AKAP13: variants seen among roughly 807,000 people sequenced by gnomAD.
AKAP13 encodes the protein A-kinase anchor protein 13.
In AKAP13, 80 loss-of-function variants were observed where a neutral mutation model predicts 264.5. The ratio of observed to expected loss-of-function variants is 0.30; its 90% CI spans 0.25 to 0.36. The LOEUF is 0.36. Ranked by LOEUF, AKAP13 falls within the 10% of genes least tolerant of loss-of-function variation. The probability of loss-of-function intolerance (pLI) is 1.00; values close to 1 mark genes in which losing one functional copy is unlikely to be tolerated. For missense variants in AKAP13, 3,712 were observed against 3,435.2 expected, an observed-to-expected ratio of 1.08 and a Z score of -2.01; for synonymous variants, 1,380 against 1,250.2, an observed-to-expected ratio of 1.10 and a Z score of -2.19.
chr15:85,747,844 CAG>C lies in AKAP13; in HGVS notation c.*3168_*3169del, dbSNP rs1253232147. On this transcript the variant is annotated 3_prime_UTR_variant, in exon 37 of 37. Transcript: ENST00000394518. ...TTAACTTTTTTCCCCTTCTGTGTCTCAGGGTAATACTATTCAGAGTCGCCCCT... is the reference window on the plus strand; with the variant it reads ...TTAACTTTTTTCCCCTTCTGTGTCTCGGTAATACTATTCAGAGTCGCCCCT... The C allele has an allele frequency of 6.5e-6, 1 of 153,242 alleles. No individual in the cohort carries two copies. Among genetic ancestry groups the C allele is most frequent in the African/African-American group, 2.4e-5 (1 of 41,442 alleles). The allele number at this position is 153,242 out of a possible 1,614,324, so 9.5% of individuals were successfully genotyped here. A position where few individuals can be genotyped will look rare whatever the true frequency, so the allele number is the denominator to read the frequency against.
intron 2 of AKAP13, among the ~76,000 whole-genome samples, chr15:85,516,857 T>G (rs1297637763): frequency 6.6e-6 from 1 of 152,242 alleles, no homozygotes; most frequent in Non-Finnish European, 1.5e-5. Context: ...GACACCATTA[T>G]GTGGAATTTC....
chr15:85,662,337 T>C (rs370310746), intron 12 of AKAP13: 3 of 1,593,976 alleles, frequency 1.9e-6, no homozygotes, highest in African/African-American at 2.7e-5. Context: ...CCCATTCCTG[T>C]TTCCTCTTTT....
chr15:85,732,282 T>G (rs2088105537), intron 30 of AKAP13, among the ~76,000 whole-genome samples: 1 of 152,090 alleles, frequency 6.6e-6, no homozygotes, highest in South Asian at 2.1e-4. Flanking sequence ...AGTCCTGGTA[T>G]CAGCCATTTC....
At position 85,580,620 on chromosome 15, in the gene AKAP13, C is replaced by G; in HGVS notation, c.2552C>G (p.Ser851Cys). Reference protein sequence around the residue: ...EDRAVGLSTSSTAAELQHGMG... With the variant: ...EDRAVGLSTSCTAAELQHGMG... ...AGGGCAGTAGGCCTGTCCACATCCTCCACTGCTGCAGAGCTTCAGCACGGG... is the reference window on the plus strand; with the variant it reads ...AGGGCAGTAGGCCTGTCCACATCCTGCACTGCTGCAGAGCTTCAGCACGGG... Residue 851 changes from serine (S) to cysteine (C), a missense_variant, in exon 7 of 37, where the codon TCC becomes TGC. By Grantham distance (112) the Ser-to-Cys change is moderately radical. Coordinates refer to ENST00000394518, the MANE Select transcript of AKAP13 (RefSeq NM_007200.5). The G allele has an allele frequency of 6.2e-7, 1 of 1,614,200 alleles. No homozygotes were observed. The highest frequency in any genetic ancestry group is 8.5e-7 in the Non-Finnish European group (1 of 1,180,024).
At chr15:85,736,865 T>A (rs1158441971) in intron 33 of AKAP13, among the ~76,000 whole-genome samples, 1 of 151,606 alleles carries the variant, frequency 6.6e-6, no homozygotes, top group Non-Finnish European at 1.5e-5. Flanking sequence ...GTGGGTAATT[T>A]GACACAGTAA....
At chr15:85,397,497 T>C (rs1283786209) in intron 1 of AKAP13, among the ~76,000 whole-genome samples, 1 of 152,206 alleles carries the variant, frequency 6.6e-6, no homozygotes, top group Admixed American at 6.5e-5. Flanking sequence ...AGAAAAATTA[T>C]ATTTATTCTC....
Position 85,410,771 on chromosome 15 carries a change from A to G in AKAP13, c.-12+29973A>G, listed in dbSNP as rs537656548. On this transcript the variant is annotated intron_variant, in intron 1 of 36. Transcript: ENST00000394518. ...CCCTTTCCTCCTTGAATCCTTCTCT[A>G]GCTGGTCCAGCCCATAGAGATCATT... Among the ~76,000 whole-genome samples the G allele has an allele frequency of 1.2e-4, 18 of 151,600 alleles. No homozygotes were observed. In the South Asian group the frequency reaches 3.7e-3, roughly 31 times the overall value.
chr15:85,735,443 T>G (rs866656691), intron 31 of AKAP13, 117 bp from the exon 32 acceptor site: 7 of 1,070,974 alleles, frequency 6.5e-6, no homozygotes, highest in South Asian at 6.3e-5. Context: ...TCCCCCTTTT[T>G]GGGGGCATCA....
Position 85,579,082 on chromosome 15 carries a change from C to T in AKAP13, c.1014C>T (p.Ser338=). ...TTTCTTCTTCTGAAGAGACTGAGAG[C>T]ACTCAGTGCTGCCCAGGGAGCCCTG... The part of the protein sequence containing the change: ...QRLSSSEETE[S]TQCCPGSPVA... Residue 338 remains serine (S), a synonymous_variant, in exon 7 of 37, where the codon AGC becomes AGT. Coordinates refer to ENST00000394518, the MANE Select transcript of AKAP13 (RefSeq NM_007200.5). 6.2e-7 allele frequency: 1 copy of T among 1,614,184 alleles called. No homozygotes were observed. Among genetic ancestry groups the T allele is most frequent in the South Asian group, 1.1e-5 (1 of 91,086 alleles).
intron 1 of AKAP13, among the ~76,000 whole-genome samples, chr15:85,381,284 T>C (rs933711034): frequency 1.1e-4 from 16 of 151,736 alleles, no homozygotes; most frequent in African/African-American, 3.6e-4. Flanking sequence ...AGGGAGCGGC[T>C]CCCCGGGGTC....
At chr15:85,511,573 G>A (rs1248402396) in intron 2 of AKAP13, among the ~76,000 whole-genome samples, 1 of 151,952 alleles carries the variant, frequency 6.6e-6, no homozygotes, top group Non-Finnish European at 1.5e-5. Context: ...TCTTAATTCT[G>A]CTTGAGGCTT....
intron 1 of AKAP13, among the ~76,000 whole-genome samples, chr15:85,447,899 G>A (rs1567062230): frequency 6.6e-6 from 1 of 152,204 alleles, no homozygotes; most frequent in Non-Finnish European, 1.5e-5. Context: ...TAATGGGATT[G>A]CTGGGTTGAA....
chr15:85,413,401 G>A (rs1434216893), intron 1 of AKAP13, among the ~76,000 whole-genome samples: 2 of 152,174 alleles, frequency 1.3e-5, no homozygotes, highest in African/African-American at 4.8e-5. Context: ...AGTTGTCGTT[G>A]CTTATGCTAG....
In AKAP13 at chr15:85,607,491, T is replaced by A. The variant is rs552113921; in HGVS notation, c.4161+21668T>A. Among the ~76,000 whole-genome samples, 8 of 152,326 alleles carry A rather than the reference T, an allele frequency of 5.3e-5. 1 individual carries two copies. In the South Asian group the frequency reaches 1.7e-3, roughly 32 times the overall value. On this transcript the variant is annotated intron_variant, in intron 8 of 36. Coordinates refer to ENST00000394518, the MANE Select transcript of AKAP13 (RefSeq NM_007200.5). ...TTTTTTAACCATTTGCCTTTATTTTTATCCCCATTTTGTAGGTGAGAAACT... is the reference window on the plus strand; with the variant it reads ...TTTTTTAACCATTTGCCTTTATTTTAATCCCCATTTTGTAGGTGAGAAACT...
At chr15:85,440,675 G>A (rs569233733) in intron 1 of AKAP13, among the ~76,000 whole-genome samples, 2 of 152,252 alleles carry the variant, frequency 1.3e-5, no homozygotes, top group East Asian at 3.9e-4. Flanking sequence ...TTGTCAACAG[G>A]GCGTTGCATC....
At chr15:85,467,189 T>C (rs1164295394) in intron 1 of AKAP13, among the ~76,000 whole-genome samples, 4 of 152,202 alleles carry the variant, frequency 2.6e-5, no homozygotes, top group Admixed American at 1.3e-4. Context: ...GTGAACACTA[T>C]AGTATATTTT....
intron 5 of AKAP13, among the ~76,000 whole-genome samples, chr15:85,568,020 C>T (rs1331962138): frequency 4.0e-5 from 6 of 151,670 alleles, no homozygotes; most frequent in African/African-American, 9.7e-5. Flanking sequence ...CAGTGGCTCA[C>T]GCCTGTAATC....
chr15:85,746,597 C>G lies in AKAP13; in HGVS notation c.*1920C>G, dbSNP rs976445861. On this transcript the variant is annotated 3_prime_UTR_variant, in exon 37 of 37. Transcript: ENST00000394518. ...GAATACTCACCCTTCAGAAACAGAC[C>G]AAAGGCCAAAACCTGCTGATTTTTC... 1 of 152,156 alleles carries G rather than the reference C, an allele frequency of 6.6e-6. No homozygotes were observed. The highest frequency in any genetic ancestry group is 6.5e-5 in the Admixed American group (1 of 15,276). The allele number at this position is 152,156 out of a possible 1,614,324, so 9.4% of individuals were successfully genotyped here.
intron 3 of AKAP13, among the ~76,000 whole-genome samples, chr15:85,530,700 T>A (rs1396850691): frequency 6.6e-6 from 1 of 152,196 alleles, no homozygotes; most frequent in Non-Finnish European, 1.5e-5. Context: ...TGCTATATAT[T>A]GATTCTGTTG....
Sources: gnomAD v4.1 joint callset for allele counts (sites outside exome capture counted in the v4.1 genomes callset) on GRCh38, gnomAD v4.1.1 for gene constraint, MANE v1.5 for transcripts, NCBI Gene and HGNC (gene_info 2026-07-23, HGNC 2026-07-21) for gene names.